The following QSOX1 variants were observed in gnomAD, a reference collection of about 807,000 sequenced individuals.
QSOX1 encodes the protein sulfhydryl oxidase 1.
QSOX1 carries 40 observed loss-of-function variants against 76.1 expected under a neutral mutation model. The observed-to-expected ratio is 0.53, with a 90% CI of 0.41 to 0.68. The LOEUF (loss-of-function observed/expected upper bound fraction) is 0.68. Ranked by LOEUF, QSOX1 falls within the 30% of genes least tolerant of loss-of-function variation. The pLI, the probability that QSOX1 is intolerant of heterozygous loss-of-function variation, is 0.00. For missense variants in QSOX1, 931 were observed against 974.3 expected (o/e 0.96, Z 0.59); for synonymous variants, 392 against 413.1 (o/e 0.95, Z 0.62).
chr1:180,159,384 G>A (rs1382671208), intron 1 of QSOX1, among the ~76,000 whole-genome samples: 1 of 152,204 alleles, frequency 6.6e-6, no homozygotes, highest in Non-Finnish European at 1.5e-5. Flanking sequence ...ATGCAGCTTT[G>A]CTTTAACAAT....
At chr1:180,162,242 C>T (rs561068661) in intron 1 of QSOX1, among the ~76,000 whole-genome samples, 105 of 152,158 alleles carry the variant, frequency 6.9e-4, no homozygotes, top group Non-Finnish European at 1.2e-3. Flanking sequence ...GAAGATTAAA[C>T]ATCATTTCTT....
At chr1:180,166,204 C>T (rs754095210) in intron 1 of QSOX1, among the ~76,000 whole-genome samples, 14 of 152,154 alleles carry the variant, frequency 9.2e-5, no homozygotes, top group Non-Finnish European at 1.8e-4. Context: ...ATCTCTCAGC[C>T]CCCATCCCTG....
At position 180,202,076 on chromosome 1, in the gene QSOX1, A is replaced by G. The variant is rs1196687353; in HGVS notation, c.*5039A>G. On this transcript the variant is annotated 3_prime_UTR_variant, in exon 12 of 12. Coordinates refer to ENST00000367602, the MANE Select transcript of QSOX1 (RefSeq NM_002826.5). ...GGGGTTTGTGCCAGGCCTGGGTCACAGTGGAAGAGAGTCTGGAAATCACAA... is the reference window on the plus strand; with the variant it reads ...GGGGTTTGTGCCAGGCCTGGGTCACGGTGGAAGAGAGTCTGGAAATCACAA... 1 of 152,248 alleles carries G rather than the reference A, an allele frequency of 6.6e-6. No homozygotes were observed. The highest frequency in any genetic ancestry group is 6.5e-5 in the Admixed American group (1 of 15,288). The allele number at this position is 152,248 out of a possible 1,614,324, so 9.4% of individuals were successfully genotyped here. A position where few individuals can be genotyped will look rare whatever the true frequency, so the allele number is the denominator to read the frequency against.
At chr1:180,165,483 C>T (rs899573096) in intron 1 of QSOX1, among the ~76,000 whole-genome samples, 1 of 152,274 alleles carries the variant, frequency 6.6e-6, no homozygotes, top group Non-Finnish European at 1.5e-5. Flanking sequence ...TGCCAGTCCT[C>T]TCCTCCTCCA....
At chr1:180,159,617 A>G (rs1662449191) in intron 1 of QSOX1, among the ~76,000 whole-genome samples, 1 of 152,194 alleles carries the variant, frequency 6.6e-6, no homozygotes, top group Non-Finnish European at 1.5e-5. Flanking sequence ...CAAAAATCTG[A>G]TTGGTTATTT....
intron 8 of QSOX1, among the ~76,000 whole-genome samples, chr1:180,188,871 C>T (rs575176881): frequency 1.3e-5 from 2 of 152,342 alleles, no homozygotes; most frequent in African/African-American, 2.4e-5. Context: ...CGTGCACACA[C>T]GCACACACAC....
rs3767168 is a variant in QSOX1, at chr1:180,188,588, C to T, written c.1018-964C>T. ...GCACGTGTCAAAGCGTGGTCTTTTC[C>T]GGCCATTTCTCACTCTGGGGGAAGG... On this transcript the variant is annotated intron_variant, in intron 8 of 11. Transcript: ENST00000367602. 0.023 allele frequency among the ~76,000 whole-genome samples: 3,428 copies of T among 152,316 alleles called. 197 individuals are homozygous for T. The East Asian group carries it at 0.24, about 11-fold the overall frequency.
intron 10 of QSOX1, 59 bp downstream of exon 10, chr1:180,190,639 A>C: frequency 6.6e-7 from 1 of 1,518,092 alleles, no homozygotes; most frequent in Non-Finnish European, 8.9e-7. Context: ...TCGGCCCTCC[A>C]AGGGGAGAGG....
chr1:180,184,137 T>TG, intron 7 of QSOX1, 87 bp downstream of exon 7: 2 of 1,483,802 alleles, frequency 1.3e-6, no homozygotes, highest in Non-Finnish European at 1.9e-6. Context: ...TCTTGCTCAT[T>TG]CTTCTTCCTT....
chr1:180,160,110 CTACTG>C (rs909328558), intron 1 of QSOX1, among the ~76,000 whole-genome samples: 12 of 152,106 alleles, frequency 7.9e-5, no homozygotes, highest in African/African-American at 2.9e-4. Flanking sequence ...AACAGGGAAA[CTACTG>C]TAATGACTCT....
At position 180,175,380 on chromosome 1, in the gene QSOX1, T is replaced by C; in HGVS notation, c.412+14T>C. Reference sequence around the variant, plus strand: ...CAGTATTTCCAGGTGGGTGCCCAGCTCTGGTTGTCCTGTTAGCATCTTCCT... The same window carrying C: ...CAGTATTTCCAGGTGGGTGCCCAGCCCTGGTTGTCCTGTTAGCATCTTCCT... On this transcript the variant is annotated intron_variant, in intron 3 of 11. Coordinates refer to ENST00000367602, the MANE Select transcript of QSOX1 (RefSeq NM_002826.5). The C allele has an allele frequency of 1.2e-6, 2 of 1,612,942 alleles. No homozygotes were observed. Among genetic ancestry groups the C allele is most frequent in the Non-Finnish European group, 1.7e-6 (2 of 1,179,338 alleles).
intron 1 of QSOX1, among the ~76,000 whole-genome samples, chr1:180,158,880 C>T (rs1662429604): frequency 6.6e-6 from 1 of 152,160 alleles, no homozygotes; most frequent in Non-Finnish European, 1.5e-5. Flanking sequence ...CTAGAAGGGG[C>T]ATTAGAGATC....
chr1:180,188,627 G>A (rs957601375), intron 8 of QSOX1, among the ~76,000 whole-genome samples: 5 of 152,212 alleles, frequency 3.3e-5, no homozygotes, highest in African/African-American at 9.7e-5. Flanking sequence ...CCAGCCCAAC[G>A]TTTGATAGGA....
At position 180,182,300 on chromosome 1, in the gene QSOX1, T is replaced by C; in HGVS notation, c.733T>C (p.Ser245Pro). The C allele has an allele frequency of 6.2e-7, 1 of 1,614,196 alleles. No homozygotes were observed. Residue 245 changes from serine (S) to proline (P), a missense_variant, in exon 6 of 12, where the codon TCT becomes CCT. Physicochemically the swap from Ser to Pro is moderately conservative, Grantham distance 74. Transcript: ENST00000367602. ...TTGCTACCTGCTGTTCCGGAATGGC[T>C]CTGTCTCCCGAGTCCCCGTGTGAGT... The part of the protein sequence containing the change: ...PSCYLLFRNG[S>P]VSRVPVLMES...
rs1663517608 is a variant in QSOX1, at chr1:180,197,166, A to C, written c.*129A>C. Reference sequence around the variant, plus strand: ...GAAGTGTGGGAAATTCAGGAAAACGAGTTGCTCCAGTGAAGCTTCTTGGGG... The same window carrying C: ...GAAGTGTGGGAAATTCAGGAAAACGCGTTGCTCCAGTGAAGCTTCTTGGGG... On this transcript the variant is annotated 3_prime_UTR_variant, in exon 12 of 12. Transcript: ENST00000367602. 9 of 1,514,462 alleles carry C rather than the reference A, an allele frequency of 5.9e-6. No homozygotes were observed. In the East Asian group the frequency reaches 2.1e-4, roughly 35 times the overall value. 93.8% of individuals were successfully genotyped at this position (1,514,462 alleles called of 1,614,324 possible).
rs1391152637 is a variant in QSOX1 at position 180,155,087 on chromosome 1, C to T, written c.180C>T (p.Ala60=). The change falls in exon 1 of 12, where the codon GCC becomes GCT. Residue 60 remains alanine, a synonymous_variant. Transcript: ENST00000367602. ...GCGCGGTGCTGGGCTCCCGCAGCGCCTGGGCCGTGGAGTTCTTCGCCTCCT... is the reference window on the plus strand; with the variant it reads ...GCGCGGTGCTGGGCTCCCGCAGCGCTTGGGCCGTGGAGTTCTTCGCCTCCT... The part of the protein sequence containing the change: ...VRGAVLGSRS[A]WAVEFFASWC... 2 of 1,522,776 alleles carry T rather than the reference C, an allele frequency of 1.3e-6. No individual in the cohort carries two copies. The highest frequency in any genetic ancestry group is 4.0e-5 in the Admixed American group (2 of 49,982). 94.3% of individuals were successfully genotyped at this position (1,522,776 alleles called of 1,614,324 possible). A position where few individuals can be genotyped will look rare whatever the true frequency, so the allele number is the denominator to read the frequency against.
chr1:180,164,587 T>C lies in QSOX1; in HGVS notation c.266-1904T>C, dbSNP rs114511271. On this transcript the variant is annotated intron_variant, in intron 1 of 11. Coordinates refer to ENST00000367602, the MANE Select transcript of QSOX1 (RefSeq NM_002826.5). ...CCAAGAAGGGCCAGCTTAGTTGCCTTCTTTCCAGGGATGCGTCAGGGTGTG... is the reference window on the plus strand; with the variant it reads ...CCAAGAAGGGCCAGCTTAGTTGCCTCCTTTCCAGGGATGCGTCAGGGTGTG... Among the ~76,000 whole-genome samples, 1,009 of 152,284 alleles carry C rather than the reference T, an allele frequency of 6.6e-3. 7 individuals carry two copies. Among genetic ancestry groups the C allele is most frequent in the Middle Eastern group, 0.027 (8 of 294 alleles).
At chr1:180,179,051 C>T (rs1326941522) in intron 5 of QSOX1, among the ~76,000 whole-genome samples, 167 bp downstream of exon 5, 1 of 152,236 alleles carries the variant, frequency 6.6e-6, no homozygotes, top group East Asian at 1.9e-4. Flanking sequence ...AGGAGCTGGA[C>T]CTTTGCGTTT....
chr1:180,191,938 G>A (rs921155278), intron 10 of QSOX1, among the ~76,000 whole-genome samples: 4 of 152,002 alleles, frequency 2.6e-5, no homozygotes, highest in African/African-American at 9.7e-5. Flanking sequence ...CCTTGGCTGG[G>A]CGGTGGTCGT....
Sources: gnomAD v4.1 joint callset for allele counts (sites outside exome capture counted in the v4.1 genomes callset) on GRCh38, gnomAD v4.1.1 for gene constraint, MANE v1.5 for transcripts, NCBI Gene and HGNC (gene_info 2026-07-23, HGNC 2026-07-21) for gene names.